EYS: variants seen among roughly 807,000 people sequenced by gnomAD.
EYS encodes the protein EGF-like photoreceptor maintenance factor.
Under a neutral mutation model 282.1 loss-of-function variants are expected in EYS, and 250 were observed. That is an observed-to-expected ratio of 0.89 (90% CI 0.80 to 0.98). The LOEUF is 0.98. Among genes scored for constraint, EYS ranks in the 50% least tolerant of loss-of-function variants. The pLI is 0.00. For missense variants in EYS, 4,016 were observed against 3,709.0 expected, an observed-to-expected ratio of 1.08 and a Z score of -2.15; for synonymous variants, 1,355 against 1,282.9, an observed-to-expected ratio of 1.06 and a Z score of -1.20.
chr6:64,876,878 G>C lies in EYS; in HGVS notation c.2992+9819C>G, dbSNP rs373450198. 2.6e-5 allele frequency among the ~76,000 whole-genome samples: 4 copies of C among 152,232 alleles called. No homozygotes were observed. In the East Asian group the frequency reaches 7.7e-4, roughly 29 times the overall value. ...ATTATACAGGATTTAGCAGACCAATGTAAGGAGTATGTGCTTTGTTCAAGT... is the reference window on the plus strand; with the variant it reads ...ATTATACAGGATTTAGCAGACCAATCTAAGGAGTATGTGCTTTGTTCAAGT... On this transcript the variant is annotated intron_variant, in intron 19 of 42. Coordinates refer to ENST00000503581, the MANE Select transcript of EYS (RefSeq NM_001142800.2).
chr6:65,653,173 A>C (rs1038115727), intron 1 of EYS, among the ~76,000 whole-genome samples: 1 of 151,874 alleles, frequency 6.6e-6, no homozygotes, highest in Non-Finnish European at 1.5e-5. Context: ...TTCTTCACTT[A>C]ATTTTTATCT....
intron 35 of EYS, among the ~76,000 whole-genome samples, chr6:63,950,010 A>C (rs1039556032): frequency 6.6e-6 from 1 of 152,040 alleles, no homozygotes; most frequent in Admixed American, 6.6e-5. Context: ...CATCTCTACT[A>C]AAAATACAAA....
chr6:63,931,076 G>C (rs551166509), intron 35 of EYS, among the ~76,000 whole-genome samples: 1 of 152,260 alleles, frequency 6.6e-6, no homozygotes, highest in Admixed American at 6.5e-5. Flanking sequence ...GGGACAACAG[G>C]CATAAACTGG....
At chr6:64,854,474 C>T (rs181569886) in intron 19 of EYS, among the ~76,000 whole-genome samples, 1 of 151,818 alleles carries the variant, frequency 6.6e-6, no homozygotes, top group African/African-American at 2.4e-5. Flanking sequence ...CCATTATTCT[C>T]AGCAAACTAT....
At chr6:65,214,351 T>G (rs1766259869) in intron 12 of EYS, among the ~76,000 whole-genome samples, 1 of 152,112 alleles carries the variant, frequency 6.6e-6, no homozygotes. Flanking sequence ...GGAGAAAGTT[T>G]TTAACAGTCT....
chr6:64,081,767 C>G (rs886955763), intron 32 of EYS, 89 bp downstream of exon 32: 1 of 1,142,222 alleles, frequency 8.8e-7, no homozygotes, highest in East Asian at 2.8e-5. Context: ...AATTCTCTCA[C>G]AATATTTAAA....
chr6:65,131,392 C>G (rs1288682205), intron 12 of EYS, among the ~76,000 whole-genome samples: 1 of 151,622 alleles, frequency 6.6e-6, no homozygotes. Context: ...CAGATCACAG[C>G]ACAATAAAAA....
intron 12 of EYS, among the ~76,000 whole-genome samples, chr6:65,232,327 T>C (rs1442732513): frequency 6.6e-6 from 1 of 152,096 alleles, no homozygotes; most frequent in Non-Finnish European, 1.5e-5. Context: ...AAATCACGCA[T>C]GTGGTACTTT....
Position 65,375,795 on chromosome 6 carries a change from T to G in EYS, c.1299+8591A>C, listed in dbSNP as rs185281126. Among the ~76,000 whole-genome samples, 15 of 152,080 alleles carry G rather than the reference T, an allele frequency of 9.9e-5. No homozygotes were observed. The East Asian group carries it at 2.7e-3, about 28-fold the overall frequency. On this transcript the variant is annotated intron_variant, in intron 8 of 42. Transcript: ENST00000503581. ...AGGATATCAGAGATTGAAGATCAAC[T>G]TAATGAAATAAAGCGTGAAGACAAG...
At chr6:64,227,369 G>A (rs1289673528) in intron 31 of EYS, among the ~76,000 whole-genome samples, 1 of 150,754 alleles carries the variant, frequency 6.6e-6, no homozygotes, top group Non-Finnish European at 1.5e-5. Flanking sequence ...CTAAAGCAAA[G>A]TTTTTTTTTC....
chr6:64,733,803 G>A (rs906587645), intron 22 of EYS: 31 of 165,310 alleles, frequency 1.9e-4, no homozygotes, highest in African/African-American at 7.0e-4. Flanking sequence ...AAAGATGGTA[G>A]CCAGCACGCT....
chr6:65,133,179 T>C (rs764037963), intron 12 of EYS, among the ~76,000 whole-genome samples: 7 of 152,006 alleles, frequency 4.6e-5, no homozygotes, highest in Non-Finnish European at 8.8e-5. Flanking sequence ...AAACTACCAA[T>C]GACATTCTTC....
Position 63,724,436 on chromosome 6 carries a change from T to A in EYS, c.8233+2083A>T, listed in dbSNP as rs142661794. On this transcript the variant is annotated intron_variant, in intron 42 of 42. Coordinates refer to ENST00000503581, the MANE Select transcript of EYS (RefSeq NM_001142800.2). ...ACTTATTTATATATTTTTAATATAGTTTAATTATTTGAGTATGTTTTAACT... is the reference window on the plus strand; with the variant it reads ...ACTTATTTATATATTTTTAATATAGATTAATTATTTGAGTATGTTTTAACT... Among the ~76,000 whole-genome samples, 971 of 152,266 alleles carry A rather than the reference T, an allele frequency of 6.4e-3. 9 individuals are homozygous for A. Among genetic ancestry groups the A allele is most frequent in the African/African-American group, 0.022 (908 of 41,576 alleles).
At chr6:64,668,946 C>T (rs535884448) in intron 22 of EYS, among the ~76,000 whole-genome samples, 38 of 152,164 alleles carry the variant, frequency 2.5e-4, no homozygotes, top group East Asian at 7.7e-4. Flanking sequence ...AAATAAATCA[C>T]GTGTTTTGCC....
At chr6:64,349,746 C>T (rs671622) in intron 29 of EYS, among the ~76,000 whole-genome samples, 103,846 of 151,256 alleles carry the variant, frequency 0.69, 35,679 homozygotes, top group South Asian at 0.71. Context: ...TGTTAATGCC[C>T]TATTGATAGT....
chr6:64,351,937 C>T (rs1209428235), intron 29 of EYS, among the ~76,000 whole-genome samples: 2 of 151,500 alleles, frequency 1.3e-5, no homozygotes, highest in African/African-American at 4.8e-5. Flanking sequence ...CGAAATAATA[C>T]ATTCCTGTGA....
rs1006796145 is a variant in EYS, at chr6:65,598,245, C to A, written c.-333+41533G>T. On this transcript the variant is annotated intron_variant, in intron 2 of 42. Transcript: ENST00000503581. ...AGACCCTCCTCCCCACCCACCCCCC[C>A]CCCAAAAAAAAAAACAAAAACTTTT... is the stretch of plus-strand genomic sequence containing the variant. Among the ~76,000 whole-genome samples, 11 of 90,654 alleles carry A rather than the reference C, an allele frequency of 1.2e-4. No individual in the cohort carries two copies. In the East Asian group the frequency reaches 1.3e-3, roughly 10 times the overall value. The allele number at this position is 90,654 out of a possible 152,430, so 59.5% of individuals were successfully genotyped here.
At chr6:65,134,769 A>C (rs973548555) in intron 12 of EYS, among the ~76,000 whole-genome samples, 13 of 152,056 alleles carry the variant, frequency 8.5e-5, no homozygotes, top group Non-Finnish European at 1.8e-4. Context: ...GGGAAAGATC[A>C]ATTTATCATT....
rs548563447 is a variant in EYS, at chr6:65,469,304, T to A, written c.862+21290A>T. ...ACAACCAATTTTTTGACATGTAATA[T>A]CATAAGTAGTTCAAACTGAAAACGT... On this transcript the variant is annotated intron_variant, in intron 5 of 42. Coordinates refer to ENST00000503581, the MANE Select transcript of EYS (RefSeq NM_001142800.2). 2.6e-4 allele frequency among the ~76,000 whole-genome samples: 40 copies of A among 152,176 alleles called. No individual in the cohort carries two copies. The South Asian group carries it at 7.9e-3, about 30-fold the overall frequency.
Sources: gnomAD v4.1 joint callset for allele counts (sites outside exome capture counted in the v4.1 genomes callset) on GRCh38, gnomAD v4.1.1 for gene constraint, MANE v1.5 for transcripts, NCBI Gene and HGNC (gene_info 2026-07-23, HGNC 2026-07-21) for gene names.